The following RNLS variants were observed in gnomAD, a reference collection of about 807,000 sequenced individuals.
The protein encoded by RNLS is renalase.
RNLS carries 39 observed loss-of-function variants against 39.8 expected under a neutral mutation model. The observed-to-expected ratio is 0.98, with a 90% CI of 0.76 to 1.28. The LOEUF is 1.28. Ranked by LOEUF, RNLS falls within the 50% of genes most tolerant of loss-of-function variation. The pLI, the probability that RNLS is intolerant of heterozygous loss-of-function variation, is 0.00. For synonymous variants in RNLS, 147 were observed against 150.7 expected, an observed-to-expected ratio of 0.98 and a Z score of 0.18; for missense variants, 410 against 413.3, an observed-to-expected ratio of 0.99 and a Z score of 0.07.
At chr10:88,300,900 G>C (rs1844467914) in intron 6 of RNLS, among the ~76,000 whole-genome samples, 1 of 152,070 alleles carries the variant, frequency 6.6e-6, no homozygotes, top group African/African-American at 2.4e-5. Flanking sequence ...ACTCTTTATG[G>C]GAAAGTGCTG....
the RNLS span, among the ~76,000 whole-genome samples, chr10:88,234,720 G>C: frequency 6.6e-6 from 1 of 152,066 alleles, no homozygotes; most frequent in African/African-American, 2.4e-5. Flanking sequence ...TTCTAATAGG[G>C]GATAAGGCAA....
At chr10:88,231,980 G>A in the RNLS span, among the ~76,000 whole-genome samples, 1 of 151,158 alleles carries the variant, frequency 6.6e-6, no homozygotes, top group Admixed American at 6.6e-5. Flanking sequence ...GTCTGTCTCA[G>A]ATGGCTGAGT....
intron 5 of RNLS, among the ~76,000 whole-genome samples, chr10:88,346,208 A>G (rs1433413175): frequency 2.0e-5 from 3 of 152,152 alleles, no homozygotes; most frequent in African/African-American, 7.2e-5. Context: ...TTAACAAACT[A>G]TTAAAAAGAA....
chr10:88,428,740 T>C (rs1056787594), intron 4 of RNLS, among the ~76,000 whole-genome samples: 1 of 151,942 alleles, frequency 6.6e-6, no homozygotes, highest in Non-Finnish European at 1.5e-5. Flanking sequence ...ATTCATCTAT[T>C]TAGACAACAT....
chr10:88,488,172 A>G (rs1354375348), intron 4 of RNLS, among the ~76,000 whole-genome samples: 3 of 152,154 alleles, frequency 2.0e-5, no homozygotes, highest in African/African-American at 7.2e-5. Flanking sequence ...ATGAGTGTAT[A>G]CATAATATAA....
chr10:88,177,497 G>T, the RNLS span, among the ~76,000 whole-genome samples: 1 of 151,956 alleles, frequency 6.6e-6, no homozygotes, highest in South Asian at 2.1e-4. Context: ...TTCCTGATTG[G>T]GTTGAACTGT....
chr10:88,415,531 T>C (rs774369070), intron 4 of RNLS, among the ~76,000 whole-genome samples: 2 of 152,230 alleles, frequency 1.3e-5, no homozygotes, highest in Non-Finnish European at 2.9e-5. Context: ...CACTGGTTTG[T>C]GTATCTATAG....
Position 88,583,115 on chromosome 10 carries a change from C to T in RNLS, c.76G>A (p.Gly26Ser). Residue 26 changes from glycine to serine, a missense_variant, in exon 1 of 7, where the codon GGT (glycine) becomes AGT (serine). Physicochemically the swap from Gly to Ser is moderately conservative, Grantham distance 56. Coordinates refer to ENST00000331772, the MANE Select transcript of RNLS (RefSeq NM_001031709.3). ...TCCCACACAGCAAGGTACAAGGGAC[C>T]GGACGTCTGCCTCCTCAGCAGCGCA... is the stretch of plus-strand genomic sequence containing the variant. ...CAALLRRQTS[G>S]PLYLAVWDKA... The T allele has an allele frequency of 6.2e-7, 1 of 1,614,116 alleles. No homozygotes were observed. The highest frequency in any genetic ancestry group is 8.5e-7 in the Non-Finnish European group (1 of 1,179,954).
At chr10:88,233,397 A>T in the RNLS span, among the ~76,000 whole-genome samples, 7 of 152,210 alleles carry the variant, frequency 4.6e-5, no homozygotes, top group African/African-American at 1.7e-4. Flanking sequence ...CTCCAGGGAA[A>T]ATGCAGGGCC....
chr10:88,251,080 C>T, the RNLS span, among the ~76,000 whole-genome samples: 6 of 152,202 alleles, frequency 3.9e-5, no homozygotes, highest in Admixed American at 2.0e-4. Context: ...AAAATGCTTG[C>T]ATATTCAGAG....
chr10:88,226,744 T>C, the RNLS span, among the ~76,000 whole-genome samples: 1 of 120,090 alleles, frequency 8.3e-6, no homozygotes, highest in Non-Finnish European at 1.7e-5. Context: ...TTCACTTTTT[T>C]TTTTTTTTTT....
intron 4 of RNLS, among the ~76,000 whole-genome samples, chr10:88,479,557 AGT>A (rs1844028624): frequency 6.6e-6 from 1 of 152,036 alleles, no homozygotes; most frequent in Non-Finnish European, 1.5e-5. Context: ...TAGAAATATC[AGT>A]ATCATCATCA....
intron 3 of RNLS, among the ~76,000 whole-genome samples, chr10:88,577,245 T>C (rs1440322931): frequency 6.6e-6 from 1 of 152,178 alleles, no homozygotes. Flanking sequence ...TACTGACACG[T>C]AGCACCAGGT....
intron 4 of RNLS, among the ~76,000 whole-genome samples, chr10:88,455,616 CA>C (rs1284409920): frequency 2.6e-5 from 4 of 152,114 alleles, no homozygotes; most frequent in Admixed American, 2.6e-4. Flanking sequence ...CCGTGTTAGC[CA>C]GGATGGTCTT....
chr10:88,191,121 G>A, the RNLS span, among the ~76,000 whole-genome samples: 1 of 152,176 alleles, frequency 6.6e-6, no homozygotes, highest in Non-Finnish European at 1.5e-5. Context: ...CCTTTTCAGA[G>A]GCTTTGGCAG....
chr10:88,364,353 A>T (rs1450106238), intron 4 of RNLS, among the ~76,000 whole-genome samples: 1 of 152,184 alleles, frequency 6.6e-6, no homozygotes, highest in African/African-American at 2.4e-5. Flanking sequence ...ATAAATTATT[A>T]TAGCACAGTA....
chr10:88,368,995 T>A (rs1336833201), intron 4 of RNLS, among the ~76,000 whole-genome samples: 1 of 152,156 alleles, frequency 6.6e-6, no homozygotes. Flanking sequence ...ATTCTTCATA[T>A]GACTAAAAGC....
At chr10:88,313,234 C>T (rs746592200) in intron 6 of RNLS, among the ~76,000 whole-genome samples, 15 of 151,976 alleles carry the variant, frequency 9.9e-5, no homozygotes, top group Non-Finnish European at 1.6e-4. Flanking sequence ...TAATAAATTA[C>T]GAGAAAGGCA....
chr10:88,418,636 A>T (rs563568859), intron 4 of RNLS, among the ~76,000 whole-genome samples: 1 of 152,352 alleles, frequency 6.6e-6, no homozygotes, highest in African/African-American at 2.4e-5. Context: ...ATAAGAATCA[A>T]ACATACAATT....
Sources: allele counts gnomAD v4.1 joint callset (sites outside exome capture counted in the v4.1 genomes callset), GRCh38; gene constraint gnomAD v4.1.1; transcripts MANE v1.5; gene names NCBI Gene and HGNC (gene_info 2026-07-23, HGNC 2026-07-21).